Variants in CDIN1 observed in about 807,000 individuals in gnomAD.
CDIN1 encodes CDAN1 interacting nuclease 1.
In CDIN1, 33 loss-of-function variants were observed where a neutral mutation model predicts 45.3. The observed-to-expected ratio is 0.73, with a 90% CI of 0.55 to 0.97. CDIN1 has a LOEUF of 0.97. CDIN1 is among the 50% of genes least tolerant of loss of function. CDIN1 has a pLI of 0.00. For missense variants in CDIN1, 303 were observed against 339.4 expected, an observed-to-expected ratio of 0.89 and a Z score of 0.84; for synonymous variants, 118 against 124.4, an observed-to-expected ratio of 0.95 and a Z score of 0.34.
chr15:36,604,704 C>T (rs1036305407), intron 1 of CDIN1, among the ~76,000 whole-genome samples: 2 of 151,900 alleles, frequency 1.3e-5, no homozygotes, highest in African/African-American at 4.8e-5. Context: ...TTGTAAAATT[C>T]CAATTATGTT....
At chr15:36,702,241 T>C (rs2042671666) in intron 8 of CDIN1, 2 of 657,890 alleles carry the variant, frequency 3.0e-6, no homozygotes, top group Admixed American at 2.1e-5. Context: ...GAACATGAAA[T>C]TGAGGGTGGG....
At chr15:36,622,128 A>G (rs941514745) in intron 1 of CDIN1, among the ~76,000 whole-genome samples, 1 of 152,226 alleles carries the variant, frequency 6.6e-6, no homozygotes, top group Non-Finnish European at 1.5e-5. Context: ...TTCTTTCATC[A>G]TGGTGTCACC....
chr15:36,686,994 A>G (rs570277045), intron 5 of CDIN1, among the ~76,000 whole-genome samples: 20 of 128,568 alleles, frequency 1.6e-4, no homozygotes, highest in Non-Finnish European at 3.1e-4. Context: ...GGACAAATCA[A>G]TGTAGAATGT....
chr15:36,688,314 G>C (rs543125059), intron 5 of CDIN1, among the ~76,000 whole-genome samples: 1 of 151,728 alleles, frequency 6.6e-6, no homozygotes, highest in Non-Finnish European at 1.5e-5. Flanking sequence ...TATTGCAGAC[G>C]TAGAAGTTAG....
intron 10 of CDIN1, among the ~76,000 whole-genome samples, chr15:36,773,841 T>C (rs935531048): frequency 6.6e-6 from 1 of 152,196 alleles, no homozygotes; most frequent in South Asian, 2.1e-4. Flanking sequence ...TGTTTAAAGG[T>C]GCTCCTGTAA....
chr15:36,669,127 T>C lies in CDIN1; in HGVS notation c.346+11222T>C, dbSNP rs571513297. ...TGGGCGGAAATTAATTATGGTCTTA[T>C]GAAAGCTACATAGAATGGAGGCTGG... On this transcript the variant is annotated intron_variant, in intron 5 of 10. Coordinates refer to ENST00000566621, the MANE Select transcript of CDIN1 (RefSeq NM_001321759.2). 5.3e-5 allele frequency: 8 copies of C among 152,314 alleles called. No individual in the cohort carries two copies. The South Asian group carries it at 6.2e-4, about 12-fold the overall frequency. The allele number at this position is 152,314 out of a possible 1,614,324, so 9.4% of individuals were successfully genotyped here.
At chr15:36,619,678 G>C (rs2140306105) in intron 1 of CDIN1, among the ~76,000 whole-genome samples, 1 of 152,172 alleles carries the variant, frequency 6.6e-6, no homozygotes, top group Admixed American at 6.5e-5. Context: ...GGAGATGAGG[G>C]AGTGAGAGGA....
intron 1 of CDIN1, among the ~76,000 whole-genome samples, chr15:36,602,902 G>T (rs1171493466): frequency 1.3e-5 from 2 of 152,112 alleles, no homozygotes; most frequent in Non-Finnish European, 2.9e-5. Flanking sequence ...GCAGGAGAAC[G>T]GCGTGAATGC....
intron 1 of CDIN1, among the ~76,000 whole-genome samples, chr15:36,583,832 C>T (rs1396722067): frequency 6.6e-6 from 1 of 152,066 alleles, no homozygotes; most frequent in Non-Finnish European, 1.5e-5. Flanking sequence ...CTGGCTAACA[C>T]AGTGAAACCC....
chr15:36,674,557 T>C (rs911047216), intron 5 of CDIN1, among the ~76,000 whole-genome samples: 4 of 152,170 alleles, frequency 2.6e-5, no homozygotes, highest in Non-Finnish European at 4.4e-5. Flanking sequence ...CACACAACTA[T>C]TTTGCAGAAG....
At chr15:36,596,812 A>G (rs1010939058) in intron 1 of CDIN1, among the ~76,000 whole-genome samples, 2 of 152,122 alleles carry the variant, frequency 1.3e-5, no homozygotes, top group Non-Finnish European at 2.9e-5. Flanking sequence ...CAACAACAAA[A>G]AAAACCCAGA....
chr15:36,591,131 T>C (rs74008634), intron 1 of CDIN1, among the ~76,000 whole-genome samples: 184 of 152,284 alleles, frequency 1.2e-3, no homozygotes, highest in Non-Finnish European at 2.2e-3. Context: ...CGTGGTTCTA[T>C]AGGGCTCTTG....
chr15:36,807,821 A>G (rs1176368372), intron 10 of CDIN1, among the ~76,000 whole-genome samples: 2 of 152,242 alleles, frequency 1.3e-5, no homozygotes, highest in Non-Finnish European at 2.9e-5. Flanking sequence ...CAATGGGTGC[A>G]TAAGTAGAAC....
intron 5 of CDIN1, among the ~76,000 whole-genome samples, chr15:36,679,535 A>T (rs2041778301): frequency 6.6e-6 from 1 of 152,122 alleles, no homozygotes; most frequent in East Asian, 1.9e-4. Flanking sequence ...CTCTGCTCAT[A>T]ACCGCTTATC....
chr15:36,686,292 C>G (rs947173063), intron 5 of CDIN1, among the ~76,000 whole-genome samples: 1 of 150,648 alleles, frequency 6.6e-6, no homozygotes, highest in Non-Finnish European at 1.5e-5. Flanking sequence ...TCATCATTCT[C>G]AGTAAACTAT....
At chr15:36,722,340 A>G (rs970707838) in intron 10 of CDIN1, among the ~76,000 whole-genome samples, 1 of 88,184 alleles carries the variant, frequency 1.1e-5, no homozygotes, top group Admixed American at 1.1e-4. Context: ...TCTCTCTCTC[A>G]GACATCCATA....
At chr15:36,728,404 C>G (rs1416910376) in intron 10 of CDIN1, among the ~76,000 whole-genome samples, 1 of 152,106 alleles carries the variant, frequency 6.6e-6, no homozygotes, top group Non-Finnish European at 1.5e-5. Flanking sequence ...GTTACCAATC[C>G]TCTGCATCTT....
At chr15:36,770,845 A>C (rs1342482603) in intron 10 of CDIN1, among the ~76,000 whole-genome samples, 1 of 152,216 alleles carries the variant, frequency 6.6e-6, no homozygotes, top group Non-Finnish European at 1.5e-5. Context: ...AGTGGCTCCC[A>C]AACTGCTGCA....
intron 1 of CDIN1, chr15:36,617,065 C>T (rs749025249): frequency 9.2e-6 from 7 of 760,856 alleles, no homozygotes; most frequent in South Asian, 2.7e-5. Context: ...GCTGTGGGAA[C>T]GATTGGGCCG....
Sources: allele counts gnomAD v4.1 joint callset (sites outside exome capture counted in the v4.1 genomes callset), GRCh38; gene constraint gnomAD v4.1.1; transcripts MANE v1.5; gene names NCBI Gene and HGNC (gene_info 2026-07-23, HGNC 2026-07-21).